Variants in LMCD1 observed in about 807,000 individuals in gnomAD.
LMCD1 encodes the protein LIM and cysteine rich domains 1.
In LMCD1, 32 loss-of-function variants were observed where a neutral mutation model predicts 42.7. The ratio of observed to expected loss-of-function variants is 0.75; its 90% CI spans 0.57 to 1.01. The LOEUF (loss-of-function observed/expected upper bound fraction) is 1.01. Ranked by LOEUF, LMCD1 falls within the 50% of genes least tolerant of loss-of-function variation. LMCD1 has a pLI of 0.00. For synonymous variants in LMCD1, 178 were observed against 184.9 expected (o/e 0.96, Z 0.30); for missense variants, 458 against 483.1 (o/e 0.95, Z 0.49).
chr3:8,548,957 G>C, intron 4 of LMCD1, 54 bp downstream of exon 4: 2 of 1,335,244 alleles, frequency 1.5e-6, no homozygotes, highest in Non-Finnish European at 2.0e-6. Context: ...CCCAGGGCTG[G>C]ACAGTCAGGG....
At chr3:8,551,692 A>G (rs191690710) in intron 4 of LMCD1, among the ~76,000 whole-genome samples, 1 of 152,332 alleles carries the variant, frequency 6.6e-6, no homozygotes, top group African/African-American at 2.4e-5. Context: ...CTGACAGGCC[A>G]CAGACAGTGT....
At chr3:8,537,936 C>A (rs1333050503) in intron 3 of LMCD1, among the ~76,000 whole-genome samples, 1 of 152,100 alleles carries the variant, frequency 6.6e-6, no homozygotes, top group Non-Finnish European at 1.5e-5. Flanking sequence ...TGAACAAAAG[C>A]AACCAGAGAA....
chr3:8,535,529 AG>A (rs544941592), intron 2 of LMCD1, among the ~76,000 whole-genome samples: 255 of 152,294 alleles, frequency 1.7e-3, no homozygotes, highest in African/African-American at 5.9e-3. Flanking sequence ...AAGTCAAAGG[AG>A]TAGCTTTGCA....
chr3:8,550,128 C>T, intron 4 of LMCD1: 1 of 1,383,394 alleles, frequency 7.2e-7, no homozygotes. Flanking sequence ...AAGGAGAAGC[C>T]AGAGTTGGGG....
At chr3:8,506,026 A>T (rs1221052425) in intron 1 of LMCD1, among the ~76,000 whole-genome samples, 1 of 152,232 alleles carries the variant, frequency 6.6e-6, no homozygotes, top group Non-Finnish European at 1.5e-5. Context: ...CTTGTTTTTT[A>T]AAAACAGAAA....
chr3:8,516,357 A>G (rs1043348242), intron 1 of LMCD1, among the ~76,000 whole-genome samples: 3 of 152,176 alleles, frequency 2.0e-5, no homozygotes, highest in East Asian at 1.9e-4. Context: ...TCAGACAGCT[A>G]TCTACTTTAA....
chr3:8,532,766 A>T lies in LMCD1; in HGVS notation c.72A>T (p.Arg24Ser). The T allele has an allele frequency of 6.2e-7, 1 of 1,613,284 alleles. No homozygotes were observed. Among genetic ancestry groups the T allele is most frequent in the Non-Finnish European group, 8.5e-7 (1 of 1,179,676 alleles). ...CCCTGGGCCAGCTGCAGTCAGCAAG[A>T]GGTGTGGCATGTTTGGGATGCAAGG... ...KMSLGQLQSA[R>S]GVACLGCKGT... Residue 24 changes from arginine (R) to serine (S), a missense_variant, in exon 2 of 6, where the codon AGA becomes AGT. Coordinates refer to ENST00000157600, the MANE Select transcript of LMCD1 (RefSeq NM_014583.4).
Position 8,535,148 on chromosome 3 carries a change from C to T in LMCD1, c.132-2037C>T, listed in dbSNP as rs886320943. On this transcript the variant is annotated intron_variant, in intron 2 of 5. Coordinates refer to ENST00000157600, the MANE Select transcript of LMCD1 (RefSeq NM_014583.4). ...GATTTCCTTCACTTTCTGCCTCTTC[C>T]TTCTCCTTCCACTTCCAGCCCTGCT... 3.9e-5 allele frequency among the ~76,000 whole-genome samples: 6 copies of T among 152,258 alleles called. No individual in the cohort carries two copies. In the East Asian group the frequency reaches 1.2e-3, roughly 29 times the overall value.
chr3:8,565,016 C>T (rs917441793), intron 4 of LMCD1, among the ~76,000 whole-genome samples: 1 of 152,066 alleles, frequency 6.6e-6, no homozygotes, highest in African/African-American at 2.4e-5. Flanking sequence ...ATTTTAGTAA[C>T]AAGATAGGTA....
At position 8,573,887 on chromosome 3, in the gene LMCD1, AAAAG is replaced by A. The variant is rs1207384735; in HGVS notation, c.*6292_*6295del. 2.0e-5 allele frequency: 3 copies of A among 152,102 alleles called. No individual in the cohort carries two copies. Among genetic ancestry groups the A allele is most frequent in the African/African-American group, 7.2e-5 (3 of 41,428 alleles). 9.4% of individuals were successfully genotyped at this position (152,102 alleles called of 1,614,324 possible). On this transcript the variant is annotated 3_prime_UTR_variant, in exon 6 of 6. Transcript: ENST00000157600. ...AACTGGTTTAAACCTAAAAAAAAAAAAAAGAAGAAAAGAAAAGAAAAAATATGAG... is the reference window on the plus strand; with the variant it reads ...AACTGGTTTAAACCTAAAAAAAAAAAAAGAAAAGAAAAGAAAAAATATGAG...
In LMCD1 at chr3:8,572,976, T is replaced by C. The variant is rs1695242772; in HGVS notation, c.*5378T>C. 2.0e-5 allele frequency: 3 copies of C among 152,234 alleles called. No homozygotes were observed. Among genetic ancestry groups the C allele is most frequent in the Admixed American group, 2.0e-4 (3 of 15,284 alleles). 9.4% of individuals were successfully genotyped at this position (152,234 alleles called of 1,614,324 possible). On this transcript the variant is annotated 3_prime_UTR_variant, in exon 6 of 6. Coordinates refer to ENST00000157600, the MANE Select transcript of LMCD1 (RefSeq NM_014583.4). ...CAAGCCAATAAGCTTTCCATGATGC[T>C]GCTTAGAGTTAAACAGAGCCCAGGT... is the stretch of plus-strand genomic sequence containing the variant.
At chr3:8,541,390 A>G (rs969771470) in intron 3 of LMCD1, among the ~76,000 whole-genome samples, 6 of 152,096 alleles carry the variant, frequency 3.9e-5, no homozygotes, top group Non-Finnish European at 7.4e-5. Context: ...CTCTACTAAA[A>G]ATACAAAAAT....
chr3:8,505,749 C>T (rs913690099), intron 1 of LMCD1, among the ~76,000 whole-genome samples: 1 of 152,254 alleles, frequency 6.6e-6, no homozygotes. Flanking sequence ...TTCTCTACAT[C>T]ACATCCCTCT....
At chr3:8,548,957 G>A in intron 4 of LMCD1, 54 bp downstream of exon 4, 1 of 1,335,244 alleles carries the variant, frequency 7.5e-7, no homozygotes, top group Non-Finnish European at 1.0e-6. Context: ...CCCAGGGCTG[G>A]ACAGTCAGGG....
At chr3:8,541,613 C>G (rs1694628683) in intron 3 of LMCD1, among the ~76,000 whole-genome samples, 2 of 152,248 alleles carry the variant, frequency 1.3e-5, no homozygotes, top group East Asian at 3.8e-4. Context: ...ACCTTTCCAA[C>G]TGGTCTGAGA....
intron 3 of LMCD1, among the ~76,000 whole-genome samples, chr3:8,539,697 G>A (rs896940811): frequency 3.3e-5 from 5 of 152,114 alleles, no homozygotes; most frequent in Non-Finnish European, 7.4e-5. Context: ...CCACATGGCT[G>A]TAAAGAACCC....
At chr3:8,506,271 A>G (rs1428704149) in intron 1 of LMCD1, among the ~76,000 whole-genome samples, 2 of 152,196 alleles carry the variant, frequency 1.3e-5, no homozygotes, top group African/African-American at 2.4e-5. Context: ...GAATTTGCTC[A>G]GAGCTTACCA....
chr3:8,514,601 G>C (rs918716944), intron 1 of LMCD1, among the ~76,000 whole-genome samples: 7 of 152,050 alleles, frequency 4.6e-5, no homozygotes, highest in Admixed American at 2.6e-4. Flanking sequence ...CCCCAAACTG[G>C]AAATAATTCA....
chr3:8,558,291 G>A (rs748419395), intron 4 of LMCD1, among the ~76,000 whole-genome samples: 7 of 152,196 alleles, frequency 4.6e-5, no homozygotes, highest in Non-Finnish European at 8.8e-5. Flanking sequence ...CTTAGCTTTT[G>A]AGCAGCTGAA....
Sources: allele counts gnomAD v4.1 joint callset (sites outside exome capture counted in the v4.1 genomes callset), GRCh38; gene constraint gnomAD v4.1.1; transcripts MANE v1.5; gene names NCBI Gene and HGNC (gene_info 2026-07-23, HGNC 2026-07-21).